Variants in OSBPL10 observed in about 807,000 individuals in gnomAD.
OSBPL10 encodes oxysterol-binding protein-related protein 10.
OSBPL10 carries 49 observed loss-of-function variants against 81.7 expected under a neutral mutation model. The ratio of observed to expected loss-of-function variants is 0.60; its 90% CI spans 0.48 to 0.76. The LOEUF (loss-of-function observed/expected upper bound fraction) is 0.76, where lower values mean the gene tolerates loss of function less well. OSBPL10 is among the 30% of genes least tolerant of loss of function. The pLI is 0.00. For synonymous variants in OSBPL10, 419 were observed against 383.6 expected, an observed-to-expected ratio of 1.09 and a Z score of -1.08; for missense variants, 923 against 987.8, an observed-to-expected ratio of 0.93 and a Z score of 0.88.
At chr3:32,018,521 G>GA (rs752466297) in intron 2 of OSBPL10, among the ~76,000 whole-genome samples, 6 of 152,132 alleles carry the variant, frequency 3.9e-5, no homozygotes, top group Non-Finnish European at 8.8e-5. Flanking sequence ...AACCACACTG[G>GA]AAAAAAGTTT....
intron 4 of OSBPL10, among the ~76,000 whole-genome samples, chr3:31,821,189 T>C (rs4476542): frequency 0.23 from 35,295 of 151,604 alleles, 4,496 homozygotes; most frequent in Non-Finnish European, 0.27. Context: ...GGACAATGAG[T>C]TGAGGATTGG....
intron 7 of OSBPL10, among the ~76,000 whole-genome samples, chr3:31,699,703 C>A (rs1170185396): frequency 3.3e-5 from 5 of 152,226 alleles, no homozygotes; most frequent in African/African-American, 1.2e-4. Flanking sequence ...ATCCACGAAC[C>A]TGGCCCTGTC....
At chr3:31,670,645 G>T in intron 9 of OSBPL10, 152 bp downstream of exon 9, 1 of 855,410 alleles carries the variant, frequency 1.2e-6, no homozygotes, top group Non-Finnish European at 1.7e-6. Flanking sequence ...GCCATGTAAG[G>T]TAGGGAAAAG....
At chr3:31,772,320 G>A (rs1698405583) in intron 4 of OSBPL10, among the ~76,000 whole-genome samples, 1 of 152,136 alleles carries the variant, frequency 6.6e-6, no homozygotes, top group Non-Finnish European at 1.5e-5. Flanking sequence ...ACATTTAGCA[G>A]GTACAGTCAA....
At position 32,060,103 on chromosome 3, in the gene OSBPL10, C is replaced by T. The variant is rs149126844; in HGVS notation, n.186-13500G>A. 5.5e-3 allele frequency among the ~76,000 whole-genome samples: 831 copies of T among 150,968 alleles called. 3 individuals are homozygous for T. Among genetic ancestry groups the T allele is most frequent in the Non-Finnish European group, 9.4e-3 (636 of 67,808 alleles). On this transcript the variant is annotated intron_variant and non_coding_transcript_variant, in intron 1 of 3. Coordinates refer to the OSBPL10 transcript ENST00000479173. ...AGCTATATATATATATATATACTTA[C>T]GGTATATATACATTTCTGTATGCAC...
At chr3:32,040,960 A>G (rs1699569162) in intron 2 of OSBPL10, among the ~76,000 whole-genome samples, 3 of 152,184 alleles carry the variant, frequency 2.0e-5, no homozygotes, top group Admixed American at 2.0e-4. Context: ...TATGAAGGGG[A>G]CAGTTTTAGC....
At chr3:31,937,537 T>C (rs1248307224) in intron 1 of OSBPL10, among the ~76,000 whole-genome samples, 1 of 152,062 alleles carries the variant, frequency 6.6e-6, no homozygotes, top group African/African-American at 2.4e-5. Context: ...AGAAGAACAA[T>C]ACAGCCACTC....
intron 6 of OSBPL10, among the ~76,000 whole-genome samples, chr3:31,706,692 T>C (rs987273488): frequency 2.0e-5 from 3 of 152,190 alleles, no homozygotes; most frequent in Admixed American, 1.3e-4. Flanking sequence ...TTTCATCTCT[T>C]AAACAAATAT....
chr3:31,989,805 C>A, intron 2 of OSBPL10: 2 of 1,613,982 alleles, frequency 1.2e-6, no homozygotes, highest in Non-Finnish European at 1.7e-6. Flanking sequence ...TTAATTGTAG[C>A]TCACTCTTAA....
At position 31,807,600 on chromosome 3, in the gene OSBPL10, C is replaced by T. The variant is rs190575680; in HGVS notation, c.729+22440G>A. ...AAAAAAAAAAAAAATTAGCGGGGCA[C>T]GGTGGCACGTGCCTGTGGTCCCAAC... On this transcript the variant is annotated intron_variant, in intron 4 of 11. Coordinates refer to ENST00000396556, the MANE Select transcript of OSBPL10 (RefSeq NM_017784.5). 2.8e-3 allele frequency among the ~76,000 whole-genome samples: 417 copies of T among 151,020 alleles called. 1 individual carries two copies. Among genetic ancestry groups the T allele is most frequent in the African/African-American group, 7.5e-3 (308 of 41,148 alleles).
chr3:31,809,709 A>G (rs558532713), intron 4 of OSBPL10, among the ~76,000 whole-genome samples: 2 of 152,256 alleles, frequency 1.3e-5, no homozygotes, highest in South Asian at 2.1e-4. Context: ...CTGGAATATG[A>G]ATGTGCCAAC....
intron 4 of OSBPL10, among the ~76,000 whole-genome samples, chr3:31,812,323 C>T (rs967671708): frequency 1.3e-5 from 2 of 152,210 alleles, no homozygotes; most frequent in African/African-American, 2.4e-5. Flanking sequence ...TAAGCCACCG[C>T]GCCTGGCCCT....
chr3:31,674,359 G>A (rs1163894629), intron 8 of OSBPL10, among the ~76,000 whole-genome samples: 1 of 151,968 alleles, frequency 6.6e-6, no homozygotes, highest in Non-Finnish European at 1.5e-5. Flanking sequence ...TTTGAGACCA[G>A]CCTGGGCAAC....
intron 2 of OSBPL10, among the ~76,000 whole-genome samples, chr3:32,038,445 C>T (rs969779407): frequency 6.6e-6 from 1 of 152,146 alleles, no homozygotes; most frequent in African/African-American, 2.4e-5. Flanking sequence ...CTTCAGCCTC[C>T]GGAGTAGCTG....
At chr3:31,802,899 T>C (rs777185988) in intron 4 of OSBPL10, among the ~76,000 whole-genome samples, 1 of 151,922 alleles carries the variant, frequency 6.6e-6, no homozygotes, top group Non-Finnish European at 1.5e-5. Context: ...TCAGCTCTAG[T>C]TGGTCACCTC....
intron 2 of OSBPL10, among the ~76,000 whole-genome samples, chr3:32,018,549 A>C (rs1699335115): frequency 6.6e-6 from 1 of 152,300 alleles, no homozygotes; most frequent in East Asian, 1.9e-4. Context: ...AAATGCTGTA[A>C]AAATGCAAGA....
intron 1 of OSBPL10, among the ~76,000 whole-genome samples, chr3:31,916,496 T>C (rs1277833217): frequency 6.6e-6 from 1 of 152,118 alleles, no homozygotes; most frequent in African/African-American, 2.4e-5. Context: ...CAGTCAGAAG[T>C]AAAATATCTG....
At chr3:31,793,527 A>T (rs892634827) in intron 4 of OSBPL10, among the ~76,000 whole-genome samples, 6 of 152,240 alleles carry the variant, frequency 3.9e-5, no homozygotes, top group African/African-American at 1.4e-4. Flanking sequence ...AGGAGGATGG[A>T]AATTATGCTA....
rs1360619949 is a variant in OSBPL10 at position 31,668,777 on chromosome 3, TTAC to T, written c.1958_1960del (p.Cys653_Lys654delinsTer). ...AGTACCATTCCATTCCCCATGGGCT[TTAC>T]AAACAATGGTGTTGGTTGGGTTGTG... On this transcript the variant is annotated stop_gained and inframe_deletion, in exon 10 of 12. Transcript: ENST00000396556. LOFTEE classifies it high-confidence loss of function. 6.2e-7 allele frequency: 1 copy of T among 1,613,902 alleles called. No homozygotes were observed. Among genetic ancestry groups the T allele is most frequent in the East Asian group, 2.2e-5 (1 of 44,886 alleles).
Sources: gnomAD v4.1 joint callset for allele counts (sites outside exome capture counted in the v4.1 genomes callset) on GRCh38, gnomAD v4.1.1 for gene constraint, MANE v1.5 for transcripts, NCBI Gene and HGNC (gene_info 2026-07-23, HGNC 2026-07-21) for gene names.